NCK1: variants seen among roughly 807,000 people sequenced by gnomAD.
NCK1 encodes the protein NCK adaptor protein 1, also known as SH2/SH3 adapter protein NCK1.
A neutral mutation model predicts 36.6 loss-of-function variants in NCK1; 19 were observed. That is an observed-to-expected ratio of 0.52 (90% CI 0.36 to 0.76). The LOEUF (loss-of-function observed/expected upper bound fraction) is 0.76, where lower values mean the gene tolerates loss of function less well. NCK1 is among the 30% of genes least tolerant of loss of function. The pLI is 0.00. For missense variants in NCK1, 358 were observed against 445.6 expected, an observed-to-expected ratio of 0.80 and a Z score of 1.77; for synonymous variants, 165 against 156.0, an observed-to-expected ratio of 1.06 and a Z score of -0.43.
chr3:136,900,794 C>T (rs1215940469), intron 1 of NCK1, among the ~76,000 whole-genome samples: 11 of 152,096 alleles, frequency 7.2e-5, no homozygotes. Flanking sequence ...ATTTATTTAG[C>T]AGAACTAAGT....
intron 2 of NCK1, among the ~76,000 whole-genome samples, chr3:136,944,044 C>T (rs1560055697): frequency 7.4e-6 from 1 of 135,786 alleles, no homozygotes; most frequent in East Asian, 2.1e-4. Context: ...ATGTTGGAGA[C>T]AAAGGATCAG....
chr3:136,907,723 G>T (rs1939723151), intron 1 of NCK1, among the ~76,000 whole-genome samples: 1 of 152,206 alleles, frequency 6.6e-6, no homozygotes, highest in African/African-American at 2.4e-5. Flanking sequence ...GAAGAGGCAA[G>T]TACCAAATGC....
At chr3:136,917,330 T>G (rs1939995063) in intron 1 of NCK1, among the ~76,000 whole-genome samples, 1 of 151,738 alleles carries the variant, frequency 6.6e-6, no homozygotes, top group South Asian at 2.1e-4. Context: ...ACCAAAAGAT[T>G]GGACACCTCT....
intron 2 of NCK1, chr3:136,928,680 A>G (rs1940311074): frequency 6.4e-6 from 1 of 156,666 alleles, no homozygotes. Context: ...ATTACTGTAC[A>G]TTAGCACCTA....
At chr3:136,917,925 C>G (rs763662544) in intron 1 of NCK1, among the ~76,000 whole-genome samples, 1 of 152,214 alleles carries the variant, frequency 6.6e-6, no homozygotes, top group African/African-American at 2.4e-5. Context: ...TCCATAGTCT[C>G]TATCTTACAA....
chr3:136,940,267 T>TTCTC (rs778254847), intron 2 of NCK1, among the ~76,000 whole-genome samples: 19 of 152,216 alleles, frequency 1.2e-4, no homozygotes, highest in Non-Finnish European at 1.9e-4. Flanking sequence ...TGATGGGATA[T>TTCTC]TCTCTATATG....
At position 136,946,436 on chromosome 3, in the gene NCK1, A is replaced by G. The variant is rs140225787; in HGVS notation, c.939+141A>G. ...ACGTAACATAAGCATAAATGTTCCA[A>G]AGCTAAAGTCCGCATTCTTTCTAGC... On this transcript the variant is annotated intron_variant, in intron 3 of 3. Transcript: ENST00000481752. 4.6e-4 allele frequency: 324 copies of G among 700,126 alleles called. 1 individual carries two copies. In the East Asian group the frequency reaches 8.4e-3, roughly 18 times the overall value. 43.4% of individuals were successfully genotyped at this position (700,126 alleles called of 1,614,324 possible). A position where few individuals can be genotyped will look rare whatever the true frequency, so the allele number is the denominator to read the frequency against.
chr3:136,871,418 T>C (rs1938614701), intron 1 of NCK1, among the ~76,000 whole-genome samples: 1 of 151,972 alleles, frequency 6.6e-6, no homozygotes, highest in Non-Finnish European at 1.5e-5. Flanking sequence ...AATTAAAAAT[T>C]TGTTTAGAGA....
chr3:136,928,872 A>AG (rs1487103214), intron 2 of NCK1: 3 of 151,762 alleles, frequency 2.0e-5, no homozygotes, highest in Admixed American at 2.0e-4. Flanking sequence ...AAAAAAAAAA[A>AG]AAAAAAAAAA....
intron 2 of NCK1, among the ~76,000 whole-genome samples, chr3:136,935,552 G>C (rs903282626): frequency 6.6e-6 from 1 of 152,080 alleles, no homozygotes; most frequent in Middle Eastern, 3.2e-3. Flanking sequence ...TCGACTGAGG[G>C]AGAAACTGAA....
At chr3:136,941,742 T>C (rs913703273) in intron 2 of NCK1, among the ~76,000 whole-genome samples, 1 of 152,228 alleles carries the variant, frequency 6.6e-6, no homozygotes, top group African/African-American at 2.4e-5. Flanking sequence ...TACTGACTTT[T>C]ATATTTACTT....
intron 1 of NCK1, among the ~76,000 whole-genome samples, chr3:136,913,099 C>G (rs1939870433): frequency 6.6e-6 from 1 of 151,666 alleles, no homozygotes; most frequent in African/African-American, 2.4e-5. Flanking sequence ...GGCCCGTCTT[C>G]TGATCTTTCT....
chr3:136,882,880 C>G (rs1488182606), intron 1 of NCK1, among the ~76,000 whole-genome samples: 1 of 152,152 alleles, frequency 6.6e-6, no homozygotes, highest in Non-Finnish European at 1.5e-5. Context: ...CAGTCTCTTT[C>G]ACAGCGTGTG....
At chr3:136,893,185 T>TACACACACAC (rs1560038396) in intron 1 of NCK1, among the ~76,000 whole-genome samples, 6 of 19,492 alleles carry the variant, frequency 3.1e-4, no homozygotes, top group African/African-American at 6.1e-4. Context: ...TGTGTATATA[T>TACACACACAC]ATATATACAC....
At chr3:136,915,806 A>G (rs968519188) in intron 1 of NCK1, among the ~76,000 whole-genome samples, 1 of 151,570 alleles carries the variant, frequency 6.6e-6, no homozygotes, top group African/African-American at 2.4e-5. Flanking sequence ...GCTCACTGCA[A>G]CCTCCACCTC....
intron 1 of NCK1, among the ~76,000 whole-genome samples, chr3:136,875,260 G>A (rs1938733887): frequency 6.6e-6 from 1 of 152,118 alleles, no homozygotes; most frequent in Non-Finnish European, 1.5e-5. Flanking sequence ...TTGCTTATCA[G>A]CTTAAGGAGA....
chr3:136,934,815 T>A (rs1216346381), intron 2 of NCK1, among the ~76,000 whole-genome samples: 3 of 152,222 alleles, frequency 2.0e-5, no homozygotes, highest in Non-Finnish European at 4.4e-5. Context: ...AGATATTTTA[T>A]TACTAAAGAG....
chr3:136,930,558 A>C (rs1292307628), intron 2 of NCK1: 1 of 1,471,114 alleles, frequency 6.8e-7, no homozygotes, highest in South Asian at 1.4e-5. Flanking sequence ...ATTTTTACTC[A>C]AAATGGATTG....
intron 1 of NCK1, among the ~76,000 whole-genome samples, chr3:136,879,989 T>TTAAAAAAAAA (rs1553791476): frequency 5.0e-5 from 6 of 119,522 alleles, no homozygotes; most frequent in African/African-American, 6.3e-5. Flanking sequence ...TAAAGAATAT[T>TTAAAAAAAAA]AAAAAAAAAA....
Sources: allele counts gnomAD v4.1 joint callset (sites outside exome capture counted in the v4.1 genomes callset), GRCh38; gene constraint gnomAD v4.1.1; transcripts MANE v1.5; gene names NCBI Gene and HGNC (gene_info 2026-07-23, HGNC 2026-07-21).